FRMD1: variants seen among roughly 807,000 people sequenced by gnomAD.
FRMD1 encodes the protein FERM domain-containing protein 1.
FRMD1 carries 51 observed loss-of-function variants against 54.9 expected under a neutral mutation model. The ratio of observed to expected loss-of-function variants is 0.93; its 90% CI spans 0.74 to 1.17. The LOEUF is 1.17. Among genes scored for constraint, FRMD1 ranks in the 50% most tolerant of loss-of-function variants. The probability of loss-of-function intolerance (pLI) is 0.00; values close to 1 mark genes in which losing one functional copy is unlikely to be tolerated. For missense variants in FRMD1, 729 were observed against 743.0 expected (o/e 0.98, Z 0.22); for synonymous variants, 324 against 306.4 (o/e 1.06, Z -0.60).
chr6:168,090,672 T>C (rs1801001005), intron 1 of FRMD1, among the ~76,000 whole-genome samples: 1 of 152,250 alleles, frequency 6.6e-6, no homozygotes, highest in South Asian at 2.1e-4. Context: ...TGCAAGGTCT[T>C]ACTTGCTGCT....
chr6:168,067,068 C>A, intron 3 of FRMD1: 1 of 715,736 alleles, frequency 1.4e-6, no homozygotes, highest in South Asian at 1.5e-5. Flanking sequence ...GGCGGGCACA[C>A]CTGCTTGCAG....
At chr6:168,060,369 TG>T (rs1285184994) in intron 9 of FRMD1, among the ~76,000 whole-genome samples, 10 of 26,646 alleles carry the variant, frequency 3.8e-4, no homozygotes, top group African/African-American at 1.7e-3. Flanking sequence ...TCCTAGGAGT[TG>T]GGGGGGTGCT....
chr6:168,080,085 T>G (rs771606537), upstream of FRMD1, among the ~76,000 whole-genome samples: 4 of 152,134 alleles, frequency 2.6e-5, no homozygotes, highest in Non-Finnish European at 5.9e-5. Flanking sequence ...CTTCCTCTAG[T>G]AAGGGGTCTG....
intron 4 of FRMD1, chr6:168,066,046 G>A (rs1017791397): frequency 1.2e-5 from 12 of 999,784 alleles, no homozygotes; most frequent in African/African-American, 3.5e-5. Context: ...CACTCCTGTC[G>A]GGGAAAGCTT....
chr6:168,063,000 G>A, intron 6 of FRMD1, 41 bp from the exon 7 acceptor site: 1 of 1,543,818 alleles, frequency 6.5e-7, no homozygotes, highest in Non-Finnish European at 9.0e-7. Context: ...AGGCCTGGAG[G>A]TGCTGGGCCT....
intron 1 of FRMD1, among the ~76,000 whole-genome samples, chr6:168,078,663 T>C: frequency 1.5e-5 from 1 of 67,906 alleles, no homozygotes; most frequent in Non-Finnish European, 2.8e-5. Flanking sequence ...CCCAGGGCCC[T>C]GCTCACCCCC....
At chr6:168,089,385 A>T (rs1800976908) in intron 1 of FRMD1, among the ~76,000 whole-genome samples, 1 of 152,168 alleles carries the variant, frequency 6.6e-6, no homozygotes, top group Non-Finnish European at 1.5e-5. Context: ...GTGGCCCTGG[A>T]GGGACTCTCA....
intron 10 of FRMD1, 109 bp from the exon 11 acceptor site, chr6:168,057,448 C>T: frequency 4.0e-6 from 6 of 1,501,440 alleles, no homozygotes; most frequent in Non-Finnish European, 4.5e-6. Context: ...TGCCAATGCC[C>T]ACCCTGCGCC....
Position 168,056,953 on chromosome 6 carries a change from C to T in FRMD1, c.*144G>A. On this transcript the variant is annotated 3_prime_UTR_variant, in exon 11 of 11. Coordinates refer to ENST00000283309, the MANE Select transcript of FRMD1 (RefSeq NM_024919.6). ...GTTGATGTCAGAGCCAGCTCCACAC[C>T]TCTTACAGGTGAACCTGTGGAGCGT... 9.9e-7 allele frequency: 1 copy of T among 1,005,226 alleles called. No individual in the cohort carries two copies. The highest frequency in any genetic ancestry group is 1.4e-6 in the Non-Finnish European group (1 of 738,076). 62.3% of individuals were successfully genotyped at this position (1,005,226 alleles called of 1,614,324 possible).
intron 4 of FRMD1, chr6:168,066,472 TG>T: frequency 1.0e-6 from 1 of 991,102 alleles, no homozygotes; most frequent in South Asian, 3.1e-5. Context: ...CACTCCAGCC[TG>T]GGCGACAAGA....
chr6:168,057,251 G>A lies in FRMD1; in HGVS notation c.1496C>T (p.Ala499Val), dbSNP rs772287663. ...MQLHQLALHP[A>V]PTSLSHTFHR... ...GAAGGTATGGCTGAGTGAGGTGGGC[G>A]CTGGGTGCAGGGCCAGCTGGTGCAG... Residue 499 changes from alanine (A) to valine (V), a missense_variant, in exon 11 of 11, where the codon GCG becomes GTG. Transcript: ENST00000283309. 64 of 1,610,446 alleles carry A rather than the reference G, an allele frequency of 4.0e-5. 1 individual carries two copies. The highest frequency in any genetic ancestry group is 4.3e-5 in the Non-Finnish European group (51 of 1,178,848).
At chr6:168,067,230 C>T in intron 3 of FRMD1, 137 bp downstream of exon 3, 1 of 678,134 alleles carries the variant, frequency 1.5e-6, no homozygotes, top group South Asian at 1.6e-5. Flanking sequence ...TGGTGCCCTG[C>T]TCTCTCCCAA....
At chr6:168,075,727 T>G in intron 1 of FRMD1, 2 of 1,536,522 alleles carry the variant, frequency 1.3e-6, no homozygotes, top group Non-Finnish European at 1.8e-6. Flanking sequence ...AGCGCGAGCA[T>G]CGGTGTCTCA....
Position 168,059,182 on chromosome 6 carries a change from C to T in FRMD1, c.1349G>A (p.Arg450His), listed in dbSNP as rs376385156. 2.9e-5 allele frequency: 46 copies of T among 1,585,202 alleles called. No homozygotes were observed. The highest frequency in any genetic ancestry group is 1.8e-4 in the East Asian group (8 of 43,896). Residue 450 changes from arginine to histidine, a missense_variant, in exon 10 of 11, where the codon CGT becomes CAT. Transcript: ENST00000283309. This position sits in a 1 kb window ranked among gnomAD's most constrained non-coding sequence, Gnocchi z 4.4. ...PSTRGDSQATRQEPCTQVRTR... is the reference protein window; with the variant it reads ...PSTRGDSQATHQEPCTQVRTR... ...CCTGACCTGGGTGCAGGGCTCCTGA[C>T]GAGTGGCTGTGGGAGGAGGCAGCCG...
In FRMD1 at chr6:168,055,654, C is replaced by T. The variant is rs1045166936; in HGVS notation, c.*1443G>A. 2 of 152,200 alleles carry T rather than the reference C, an allele frequency of 1.3e-5. No homozygotes were observed. The highest frequency in any genetic ancestry group is 2.9e-5 in the Non-Finnish European group (2 of 68,042). 9.4% of individuals were successfully genotyped at this position (152,200 alleles called of 1,614,324 possible). A position where few individuals can be genotyped will look rare whatever the true frequency, so the allele number is the denominator to read the frequency against. ...CCAGCACTAGGCGCACCTCCCCTGC[C>T]GCACAGGAATTGTGGGCAGTCTTGC... On this transcript the variant is annotated 3_prime_UTR_variant, in exon 11 of 11. Coordinates refer to ENST00000283309, the MANE Select transcript of FRMD1 (RefSeq NM_024919.6).
chr6:168,064,358 G>A (rs1010227683), intron 5 of FRMD1, among the ~76,000 whole-genome samples: 5 of 152,184 alleles, frequency 3.3e-5, no homozygotes, highest in South Asian at 2.1e-4. Context: ...CAATCCGCGC[G>A]GCCATCAGGC....
At chr6:168,071,226 C>T (rs1407482419) in intron 2 of FRMD1, among the ~76,000 whole-genome samples, 3 of 152,220 alleles carry the variant, frequency 2.0e-5, no homozygotes, top group Non-Finnish European at 4.4e-5. Flanking sequence ...TCTTATTTTG[C>T]CTTGCCTCTA....
At chr6:168,088,857 C>CGGG (rs1554259049) in intron 1 of FRMD1, among the ~76,000 whole-genome samples, 22,620 of 145,508 alleles carry the variant, frequency 0.16, 2,431 homozygotes, top group Non-Finnish European at 0.17. Flanking sequence ...GTGTGACCCA[C>CGGG]CGGCCTGCCT....
intron 1 of FRMD1, among the ~76,000 whole-genome samples, chr6:168,090,693 C>G (rs1177789411): frequency 6.6e-6 from 1 of 152,250 alleles, no homozygotes; most frequent in Non-Finnish European, 1.5e-5. Context: ...GTTTTGTTCC[C>G]TTCCATCTCC....
Sources: gnomAD v4.1 joint callset for allele counts (sites outside exome capture counted in the v4.1 genomes callset) on GRCh38, gnomAD v4.1.1 for gene constraint, Gnocchi (gnomAD v3.1) non-coding constraint, MANE v1.5 for transcripts, NCBI Gene and HGNC (gene_info 2026-07-23, HGNC 2026-07-21) for gene names.